SDK1: variants seen among roughly 807,000 people sequenced by gnomAD.
The protein encoded by SDK1 is sidekick cell adhesion molecule 1.
In SDK1, 157 loss-of-function variants were observed where a neutral mutation model predicts 245.5. The observed-to-expected ratio is 0.64, with a 90% CI of 0.56 to 0.73. SDK1 has a LOEUF of 0.73. Among genes scored for constraint, SDK1 ranks in the 30% least tolerant of loss-of-function variants. The probability of loss-of-function intolerance (pLI) is 0.00; values close to 1 mark genes in which losing one functional copy is unlikely to be tolerated. For missense variants in SDK1, 3,583 were observed against 3,002.3 expected (o/e 1.19, Z -4.52); for synonymous variants, 1,647 against 1,278.5 (o/e 1.29, Z -6.15).
intron 40 of SDK1, among the ~76,000 whole-genome samples, chr7:4,228,998 T>C (rs1785594648): frequency 6.6e-6 from 1 of 152,182 alleles, no homozygotes; most frequent in South Asian, 2.1e-4. Flanking sequence ...CCTGCTGTCC[T>C]CTCGAGTGTT....
rs547217956 is a variant in SDK1 at position 4,234,148 on chromosome 7, C to T, written c.5992+729C>T. Among the ~76,000 whole-genome samples, 38 of 152,314 alleles carry T rather than the reference C, an allele frequency of 2.5e-4. 1 individual carries two copies. The South Asian group carries it at 6.9e-3, about 27-fold the overall frequency. ...TTCCTGGGACCTCCCAGAAAGCCAG[C>T]GGAGGGGCCGGGGATAGTAGCTGCT... On this transcript the variant is annotated intron_variant, in intron 41 of 44. Transcript: ENST00000404826.
intron 16 of SDK1, among the ~76,000 whole-genome samples, chr7:4,015,401 G>C (rs1330319827): frequency 6.6e-5 from 10 of 152,188 alleles, no homozygotes; most frequent in Admixed American, 5.9e-4. Context: ...GGCTACTCAG[G>C]TGCATGGTGT....
At chr7:3,847,085 T>C (rs2115096639) in intron 5 of SDK1, among the ~76,000 whole-genome samples, 1 of 152,000 alleles carries the variant, frequency 6.6e-6, no homozygotes, top group East Asian at 1.9e-4. Context: ...CCATTAAGCA[T>C]TGTTCTTGTG....
chr7:4,139,683 G>T (rs1779420259), intron 28 of SDK1, among the ~76,000 whole-genome samples: 1 of 145,716 alleles, frequency 6.9e-6, no homozygotes, highest in South Asian at 2.2e-4. Context: ...GTATATGTGT[G>T]TGTGTGTATG....
At chr7:3,476,505 A>G (rs1332441807) in intron 1 of SDK1, among the ~76,000 whole-genome samples, 1 of 152,206 alleles carries the variant, frequency 6.6e-6, no homozygotes, top group African/African-American at 2.4e-5. Context: ...CAACTTAGTG[A>G]AATCTTCTAA....
chr7:4,068,516 C>T (rs2128173511), intron 20 of SDK1, among the ~76,000 whole-genome samples: 1 of 152,098 alleles, frequency 6.6e-6, no homozygotes. Context: ...GACTCCAGAT[C>T]CCATGTTCTG....
chr7:3,540,477 C>A (rs554875544), intron 1 of SDK1, among the ~76,000 whole-genome samples: 71 of 152,230 alleles, frequency 4.7e-4, no homozygotes, highest in Middle Eastern at 6.8e-3. Flanking sequence ...GAAAAATAAT[C>A]CTTCAACAAG....
At chr7:3,971,374 G>T (rs1782474197) in intron 11 of SDK1, 92 bp from the exon 12 acceptor site, 6 of 809,986 alleles carry the variant, frequency 7.4e-6, no homozygotes, top group African/African-American at 1.7e-5. Context: ...CTCGGAGGTT[G>T]TGATGTCAGA....
At chr7:3,723,921 C>A in intron 4 of SDK1, among the ~76,000 whole-genome samples, 1 of 124,268 alleles carries the variant, frequency 8.0e-6, no homozygotes, top group South Asian at 2.5e-4. Context: ...TATATATATA[C>A]ACGTATATAT....
At chr7:4,185,201 A>G (rs17134460) in intron 35 of SDK1, among the ~76,000 whole-genome samples, 20,968 of 152,224 alleles carry the variant, frequency 0.14, 1,927 homozygotes, top group African/African-American at 0.26. Context: ...CAGTGCTGAT[A>G]GGCAGAGTTT....
intron 1 of SDK1, among the ~76,000 whole-genome samples, chr7:3,305,266 G>A (rs1242923107): frequency 6.6e-6 from 1 of 152,208 alleles, no homozygotes; most frequent in African/African-American, 2.4e-5. Flanking sequence ...CCTCAGACCA[G>A]TTGGTTCTCA....
chr7:3,792,571 G>C (rs1778833366), intron 4 of SDK1, among the ~76,000 whole-genome samples: 1 of 151,974 alleles, frequency 6.6e-6, no homozygotes, highest in Admixed American at 6.6e-5. Context: ...CTAACCCACT[G>C]CCATCAGGTG....
chr7:4,210,154 C>G lies in SDK1; in HGVS notation c.5531C>G (p.Pro1844Arg). The G allele has an allele frequency of 6.3e-7, 1 of 1,575,164 alleles. No homozygotes were observed. The highest frequency in any genetic ancestry group is 1.2e-5 in the South Asian group (1 of 84,584). Residue 1844 changes from proline to arginine, a missense_variant, in exon 38 of 45, where the codon CCT becomes CGT. Pro to Arg is a moderately radical substitution (Grantham distance 103). Coordinates refer to ENST00000404826, the MANE Select transcript of SDK1 (RefSeq NM_152744.4). Reference protein sequence around the residue: ...GYRVVYEPLAPVQGVSKVVTV... With the variant: ...GYRVVYEPLARVQGVSKVVTV... ...CGGGTGGTGTACGAGCCCTTGGCCC[C>G]TGTACAAGGTAAGACCCGGGGTTGG... is the stretch of plus-strand genomic sequence containing the variant.
intron 5 of SDK1, among the ~76,000 whole-genome samples, chr7:3,897,244 C>G (rs1781634786): frequency 6.6e-6 from 1 of 152,158 alleles, no homozygotes; most frequent in African/African-American, 2.4e-5. Flanking sequence ...GTCTCCCGTT[C>G]AGTAAGAAGT....
chr7:3,594,965 G>A (rs550512953), intron 1 of SDK1, among the ~76,000 whole-genome samples: 1 of 151,936 alleles, frequency 6.6e-6, no homozygotes, highest in East Asian at 1.9e-4. Context: ...TATGTGTAGA[G>A]CACTCATTTT....
chr7:3,420,827 T>G (rs1419894967), intron 1 of SDK1, among the ~76,000 whole-genome samples: 1 of 152,148 alleles, frequency 6.6e-6, no homozygotes, highest in Non-Finnish European at 1.5e-5. Flanking sequence ...TGTACCATGG[T>G]GGTTTGCTGC....
chr7:3,619,554 A>G (rs1781870678), intron 2 of SDK1, among the ~76,000 whole-genome samples: 1 of 152,236 alleles, frequency 6.6e-6, no homozygotes, highest in Admixed American at 6.5e-5. Flanking sequence ...TTCCAAGGGC[A>G]ACAGCCCTAC....
intron 4 of SDK1, among the ~76,000 whole-genome samples, chr7:3,813,672 C>T (rs571980474): frequency 1.4e-5 from 2 of 138,294 alleles, no homozygotes; most frequent in South Asian, 2.4e-4. Flanking sequence ...TTCTAGATCC[C>T]CGAGGAATCG....
At chr7:3,491,730 G>T (rs183540081) in intron 1 of SDK1, among the ~76,000 whole-genome samples, 2 of 152,286 alleles carry the variant, frequency 1.3e-5, no homozygotes, top group African/African-American at 2.4e-5. Context: ...AAGGTAACCC[G>T]AGTGTTACGG....
Sources: allele counts gnomAD v4.1 joint callset (sites outside exome capture counted in the v4.1 genomes callset), GRCh38; gene constraint gnomAD v4.1.1; transcripts MANE v1.5; gene names NCBI Gene and HGNC (gene_info 2026-07-23, HGNC 2026-07-21).